Variants in ZFHX4 observed in about 807,000 individuals in gnomAD.
ZFHX4 encodes the protein zinc finger homeobox 4.
In ZFHX4, 56 loss-of-function variants were observed where a neutral mutation model predicts 267.6. The ratio of observed to expected loss-of-function variants is 0.21; its 90% CI spans 0.17 to 0.26. The LOEUF is 0.26. ZFHX4 is among the 10% of genes least tolerant of loss of function. ZFHX4 has a pLI of 1.00. For synonymous variants in ZFHX4, 1,778 were observed against 1,665.6 expected, an observed-to-expected ratio of 1.07 and a Z score of -1.64; for missense variants, 4,332 against 4,420.0, an observed-to-expected ratio of 0.98 and a Z score of 0.56.
intron 1 of ZFHX4, among the ~76,000 whole-genome samples, chr8:76,685,819 A>G (rs1807677913): frequency 1.3e-5 from 2 of 152,232 alleles, no homozygotes; most frequent in African/African-American, 2.4e-5. Flanking sequence ...TGTCATTTGC[A>G]TACATTGTTG....
chr8:76,856,705 G>A (rs1812736961), intron 10 of ZFHX4, among the ~76,000 whole-genome samples: 1 of 152,184 alleles, frequency 6.6e-6, no homozygotes, highest in Middle Eastern at 3.4e-3. Context: ...CTTAATTTAT[G>A]TTCTTTCCAA....
intron 4 of ZFHX4, among the ~76,000 whole-genome samples, chr8:76,830,702 T>C (rs955153974): frequency 6.6e-6 from 1 of 152,200 alleles, no homozygotes; most frequent in African/African-American, 2.4e-5. Context: ...CATGACCTAA[T>C]TTGTAAGATT....
At chr8:76,710,441 T>TA in intron 3 of ZFHX4, among the ~76,000 whole-genome samples, 1 of 152,300 alleles carries the variant, frequency 6.6e-6, no homozygotes. Flanking sequence ...AAGTGGTTCA[T>TA]AAGTAATATT....
chr8:76,790,027 A>T (rs1025821711), intron 4 of ZFHX4, among the ~76,000 whole-genome samples: 11 of 152,108 alleles, frequency 7.2e-5, no homozygotes, highest in Non-Finnish European at 1.6e-4. Flanking sequence ...CTGATTATTT[A>T]TGTCAAAATA....
intron 5 of ZFHX4, among the ~76,000 whole-genome samples, chr8:76,840,948 G>T (rs148362370): frequency 6.6e-6 from 1 of 152,126 alleles, no homozygotes; most frequent in Non-Finnish European, 1.5e-5. Context: ...TATCACTGAC[G>T]GGTGAAAGCA....
At chr8:76,807,127 A>G (rs187820297) in intron 4 of ZFHX4, among the ~76,000 whole-genome samples, 2 of 152,160 alleles carry the variant, frequency 1.3e-5, no homozygotes, top group East Asian at 3.9e-4. Context: ...CTGTTACACC[A>G]ATATTATGTG....
At chr8:76,804,744 TTTAACCATCCACTGGGAGG>T (rs1811203843) in intron 4 of ZFHX4, among the ~76,000 whole-genome samples, 1 of 2,342 alleles carries the variant, frequency 4.3e-4, no homozygotes, top group African/African-American at 7.8e-3. Context: ...TATTTATTTA[TTTAACCATCCACTGGGAGG>T]TTTAAAGTCG....
At chr8:76,831,691 T>C (rs1811936791) in intron 4 of ZFHX4, among the ~76,000 whole-genome samples, 1 of 152,168 alleles carries the variant, frequency 6.6e-6, no homozygotes, top group Non-Finnish European at 1.5e-5. Flanking sequence ...CACATCATGA[T>C]AAGTGCTGAA....
At chr8:76,751,675 G>T (rs1809617027) in intron 3 of ZFHX4, among the ~76,000 whole-genome samples, 1 of 152,116 alleles carries the variant, frequency 6.6e-6, no homozygotes, top group South Asian at 2.1e-4. Context: ...TCCTTCTTTT[G>T]TTAGGTAAAC....
chr8:76,859,809 G>A (rs76600203), intron 10 of ZFHX4, among the ~76,000 whole-genome samples: 2,581 of 152,110 alleles, frequency 0.017, 38 homozygotes, highest in Middle Eastern at 0.027. Context: ...ATAAACTTGA[G>A]GGACCTCAGT....
At chr8:76,748,897 A>C (rs181563261) in intron 3 of ZFHX4, among the ~76,000 whole-genome samples, 6 of 152,328 alleles carry the variant, frequency 3.9e-5, no homozygotes, top group African/African-American at 1.4e-4. Flanking sequence ...TCCCCATTTC[A>C]ACTTATATAA....
intron 5 of ZFHX4, among the ~76,000 whole-genome samples, 177 bp from the exon 6 acceptor site, chr8:76,842,478 A>G (rs774366355): frequency 2.6e-5 from 4 of 152,192 alleles, no homozygotes; most frequent in Non-Finnish European, 5.9e-5. Context: ...CAAAATTTGC[A>G]TTGGTACAGT....
chr8:76,794,028 A>G (rs959876484), intron 4 of ZFHX4, among the ~76,000 whole-genome samples: 45 of 152,128 alleles, frequency 3.0e-4, no homozygotes, highest in African/African-American at 1.1e-3. Context: ...CATAAGCCCA[A>G]CAAGCATTTT....
At chr8:76,843,372 G>A (rs556512622) in intron 6 of ZFHX4, among the ~76,000 whole-genome samples, 4 of 152,254 alleles carry the variant, frequency 2.6e-5, no homozygotes, top group African/African-American at 9.6e-5. Context: ...GGGATTAGGT[G>A]CTGGGTAATT....
At chr8:76,804,451 A>G (rs975639009) in intron 4 of ZFHX4, among the ~76,000 whole-genome samples, 1 of 152,172 alleles carries the variant, frequency 6.6e-6, no homozygotes, top group African/African-American at 2.4e-5. Flanking sequence ...ATTTTTAGTG[A>G]GTACCATAAA....
chr8:76,842,791 C>T lies in ZFHX4; in HGVS notation c.3511+20C>T, dbSNP rs1250142549. ...ACTCTGGTAAGATGCAAGAATCTTT[C>T]ACCTCGGCATTTCCCTATACCCATT... On this transcript the variant is annotated intron_variant, in intron 6 of 10. Transcript: ENST00000651372. The T allele has an allele frequency of 1.3e-6, 2 of 1,516,052 alleles. No individual in the cohort carries two copies. Among genetic ancestry groups the T allele is most frequent in the Non-Finnish European group, 9.0e-7 (1 of 1,115,884 alleles). The allele number at this position is 1,516,052 out of a possible 1,614,324, so 93.9% of individuals were successfully genotyped here. A position where few individuals can be genotyped will look rare whatever the true frequency, so the allele number is the denominator to read the frequency against.
chr8:76,708,250 G>A lies in ZFHX4; in HGVS notation c.3093+202G>A, dbSNP rs1484373107. On this transcript the variant is annotated intron_variant, in intron 3 of 10. Coordinates refer to ENST00000651372, the MANE Select transcript of ZFHX4 (RefSeq NM_024721.5). ...CTTTATTTATAAAGTTTTACCCTAT[G>A]TCTCACTTACACCTGTCTCAGTGGC... 6.0e-6 allele frequency: 4 copies of A among 666,196 alleles called. No homozygotes were observed. In the East Asian group the frequency reaches 1.1e-4, roughly 19 times the overall value. The allele number at this position is 666,196 out of a possible 1,614,324, so 41.3% of individuals were successfully genotyped here. A position where few individuals can be genotyped will look rare whatever the true frequency, so the allele number is the denominator to read the frequency against.
intron 4 of ZFHX4, among the ~76,000 whole-genome samples, chr8:76,790,718 CT>C (rs899101959): frequency 6.6e-6 from 1 of 152,050 alleles, no homozygotes; most frequent in Admixed American, 6.6e-5. Flanking sequence ...CATCAGTTAT[CT>C]TTTTTTGCCT....
rs1235985425 is a variant in ZFHX4 at position 76,788,174 on chromosome 8, C to T, written c.3325+9735C>T. 3.3e-5 allele frequency among the ~76,000 whole-genome samples: 5 copies of T among 152,116 alleles called. No individual in the cohort carries two copies. In the East Asian group the frequency reaches 7.7e-4, roughly 24 times the overall value. On this transcript the variant is annotated intron_variant, in intron 4 of 10. Coordinates refer to ENST00000651372, the MANE Select transcript of ZFHX4 (RefSeq NM_024721.5). ...AACATAGTTGTCTCCAGTTAGGAAA[C>T]CTTACTTCTTCCTTACTTCCTGCCC...
Sources: gnomAD v4.1 joint callset for allele counts (sites outside exome capture counted in the v4.1 genomes callset) on GRCh38, gnomAD v4.1.1 for gene constraint, MANE v1.5 for transcripts, NCBI Gene and HGNC (gene_info 2026-07-23, HGNC 2026-07-21) for gene names.